Variants in DNAH7 observed in about 807,000 individuals in gnomAD.
DNAH7 encodes axonemal beta dynein heavy chain 7.
DNAH7 carries 397 observed loss-of-function variants against 444.6 expected under a neutral mutation model. The observed-to-expected ratio is 0.89, with a 90% CI of 0.82 to 0.97. The LOEUF (loss-of-function observed/expected upper bound fraction) is 0.97. DNAH7 is among the 50% of genes least tolerant of loss of function. The pLI is 0.00. For synonymous variants in DNAH7, 1,636 were observed against 1,624.4 expected (o/e 1.01, Z -0.17); for missense variants, 4,902 against 4,800.8 (o/e 1.02, Z -0.62).
chr2:195,921,147 T>C (rs1211098368), intron 24 of DNAH7, among the ~76,000 whole-genome samples: 1 of 152,130 alleles, frequency 6.6e-6, no homozygotes, highest in African/African-American at 2.4e-5. Flanking sequence ...TGGAAAACAA[T>C]GTGGAGATTC....
At chr2:195,787,406 T>C (rs1231111494) in intron 57 of DNAH7, among the ~76,000 whole-genome samples, 1 of 152,156 alleles carries the variant, frequency 6.6e-6, no homozygotes, top group Non-Finnish European at 1.5e-5. Flanking sequence ...CCCCAGGTTT[T>C]TAGGAAGCAT....
At chr2:195,861,009 G>C (rs1699985944) in intron 42 of DNAH7, among the ~76,000 whole-genome samples, 1 of 151,896 alleles carries the variant, frequency 6.6e-6, no homozygotes, top group African/African-American at 2.4e-5. Flanking sequence ...TGTTTGATTT[G>C]TTAAATCAGA....
intron 8 of DNAH7, among the ~76,000 whole-genome samples, chr2:196,021,888 A>C (rs950354431): frequency 6.6e-6 from 1 of 152,172 alleles, no homozygotes; most frequent in South Asian, 2.1e-4. Context: ...GCACTGTGGG[A>C]GGCTGAGGCA....
chr2:195,973,987 G>A (rs1056469141), intron 15 of DNAH7, among the ~76,000 whole-genome samples: 3 of 152,050 alleles, frequency 2.0e-5, no homozygotes, highest in African/African-American at 7.2e-5. Flanking sequence ...TGAGGCAGGC[G>A]AATTGCTTGA....
At chr2:195,982,915 G>C in intron 15 of DNAH7, among the ~76,000 whole-genome samples, 1 of 152,128 alleles carries the variant, frequency 6.6e-6, no homozygotes, top group East Asian at 1.9e-4. Flanking sequence ...TCTAGTATTT[G>C]ATAGCATAAC....
chr2:195,876,592 C>T lies in DNAH7; in HGVS notation c.6069G>A (p.Leu2023=), dbSNP rs370874605. The T allele has an allele frequency of 6.2e-7, 1 of 1,613,726 alleles. No homozygotes were observed. Among genetic ancestry groups the T allele is most frequent in the East Asian group, 2.2e-5 (1 of 44,858 alleles). Residue 2023 remains leucine (L), a synonymous_variant, in exon 37 of 65, where the codon TTG becomes TTA. Coordinates refer to ENST00000312428, the MANE Select transcript of DNAH7 (RefSeq NM_018897.3). ...AQTQNIVMSK[L]DKRRKGVFGP... ...CAAAAACTCCCTTTCTTCTCTTGTCCAATTTTGACATGACAATATTCTGAG... is the reference window on the plus strand; with the variant it reads ...CAAAAACTCCCTTTCTTCTCTTGTCTAATTTTGACATGACAATATTCTGAG...
chr2:196,017,322 T>G (rs1353078110), intron 9 of DNAH7, among the ~76,000 whole-genome samples: 2 of 152,190 alleles, frequency 1.3e-5, no homozygotes, highest in African/African-American at 4.8e-5. Context: ...CCCAAAGTGC[T>G]TCTTAATTTA....
intron 5 of DNAH7, among the ~76,000 whole-genome samples, chr2:196,046,686 C>T (rs1331197639): frequency 1.3e-5 from 2 of 152,134 alleles, no homozygotes; most frequent in South Asian, 2.1e-4. Context: ...TACCCACTGT[C>T]CTCCCTTCAA....
At chr2:195,781,796 C>A (rs942805321) in intron 58 of DNAH7, among the ~76,000 whole-genome samples, 2 of 151,666 alleles carry the variant, frequency 1.3e-5, no homozygotes, top group African/African-American at 4.8e-5. Flanking sequence ...AAAAAGTAAG[C>A]TGAAGATAAA....
At position 195,775,861 on chromosome 2, in the gene DNAH7, G is replaced by T; in HGVS notation, c.11187C>A (p.Asn3729Lys). The T allele has an allele frequency of 6.2e-7, 1 of 1,614,070 alleles. No homozygotes were observed. Among genetic ancestry groups the T allele is most frequent in the Non-Finnish European group, 8.5e-7 (1 of 1,179,988 alleles). The change falls in exon 60 of 65, where the codon AAC (asparagine) becomes AAA (lysine). Residue 3729 changes from asparagine (N) to lysine (K), a missense_variant. Coordinates refer to ENST00000312428, the MANE Select transcript of DNAH7 (RefSeq NM_018897.3). ...GATCACACACCTGTGTAAGAAGAATGTTATCAAATAGCAGCTGAGTTTCTG... is the reference window on the plus strand; with the variant it reads ...GATCACACACCTGTGTAAGAAGAATTTTATCAAATAGCAGCTGAGTTTCTG... ...DQSETQLLFDNILLTQSRSAG... is the reference protein window; with the variant it reads ...DQSETQLLFDKILLTQSRSAG...
Position 195,737,848 on chromosome 2 carries a change from T to G in DNAH7, c.*73A>C. On this transcript the variant is annotated 3_prime_UTR_variant, in exon 65 of 65. Coordinates refer to ENST00000312428, the MANE Select transcript of DNAH7 (RefSeq NM_018897.3). ...TATTTAAACAAACAAAAAAAAAGGT[T>G]TAAGTAGTAAAATATGCTTTCTCTA... The G allele has an allele frequency of 7.3e-7, 1 of 1,360,812 alleles. No homozygotes were observed. The highest frequency in any genetic ancestry group is 1.0e-6 in the Non-Finnish European group (1 of 990,830). The allele number at this position is 1,360,812 out of a possible 1,614,324, so 84.3% of individuals were successfully genotyped here.
At chr2:195,817,084 A>T in intron 50 of DNAH7, 121 bp from the exon 51 acceptor site, 1 of 713,970 alleles carries the variant, frequency 1.4e-6, no homozygotes, top group Non-Finnish European at 2.3e-6. Flanking sequence ...TTTGTGACAA[A>T]TATCTGTAAT....
rs1559202038 is a variant in DNAH7, at chr2:195,899,984, TTA to T, written c.4548+296_4548+297del. Among the ~76,000 whole-genome samples the T allele has an allele frequency of 2.6e-5, 4 of 152,294 alleles. No homozygotes were observed. The East Asian group carries it at 5.8e-4, about 22-fold the overall frequency. Reference sequence around the variant, plus strand: ...TTATTTCATTTAATGCTATATTTGTTTATATGTTTATATAGACTGAGAGCATT... The same window carrying T: ...TTATTTCATTTAATGCTATATTTGTTTATGTTTATATAGACTGAGAGCATT... On this transcript the variant is annotated intron_variant, in intron 28 of 64. Transcript: ENST00000312428.
chr2:196,032,202 T>G (rs956184889), intron 5 of DNAH7, among the ~76,000 whole-genome samples: 1 of 152,134 alleles, frequency 6.6e-6, no homozygotes, highest in African/African-American at 2.4e-5. Context: ...TGAGACTTAC[T>G]CATTACCATG....
chr2:195,958,762 G>A (rs1235797373), intron 18 of DNAH7, among the ~76,000 whole-genome samples: 1 of 152,100 alleles, frequency 6.6e-6, no homozygotes, highest in South Asian at 2.1e-4. Flanking sequence ...GTCTCTATGT[G>A]TTTAGTCCAT....
intron 48 of DNAH7, among the ~76,000 whole-genome samples, chr2:195,833,600 C>T (rs1166483340): frequency 4.6e-5 from 7 of 152,248 alleles, no homozygotes; most frequent in African/African-American, 1.4e-4. Context: ...CCCCAATTTA[C>T]TCAAATCACA....
At position 195,936,650 on chromosome 2, in the gene DNAH7, A is replaced by G. The variant is rs1226955148; in HGVS notation, c.3221T>C (p.Leu1074Ser). 14 of 1,596,328 alleles carry G rather than the reference A, an allele frequency of 8.8e-6. No individual in the cohort carries two copies. Among genetic ancestry groups the G allele is most frequent in the African/African-American group, 8.1e-5 (6 of 74,028 alleles). The change falls in exon 20 of 65, where the codon TTG becomes TCG. Residue 1074 changes from leucine to serine, a missense_variant. Coordinates refer to ENST00000312428, the MANE Select transcript of DNAH7 (RefSeq NM_018897.3). ...TATCTCAAGAAGTTCATCATTGGAC[A>G]AAAAAAAGAATCTGGGGAAAAAGAG... Reference protein sequence around the residue: ...KRLFFPRFFFLSNDELLEILS... With the variant: ...KRLFFPRFFFSSNDELLEILS...
chr2:195,891,199 G>A (rs1701993352), intron 31 of DNAH7, among the ~76,000 whole-genome samples: 1 of 152,192 alleles, frequency 6.6e-6, no homozygotes, highest in Non-Finnish European at 1.5e-5. Context: ...AAGGAAAAGT[G>A]TGGGAACTTT....
At chr2:195,754,264 G>A in intron 63 of DNAH7, 73 bp downstream of exon 63, 1 of 1,424,394 alleles carries the variant, frequency 7.0e-7, no homozygotes, top group Non-Finnish European at 9.5e-7. Context: ...AACAGCTGAG[G>A]AAAGTATGCT....
Sources: allele counts gnomAD v4.1 joint callset (sites outside exome capture counted in the v4.1 genomes callset), GRCh38; gene constraint gnomAD v4.1.1; transcripts MANE v1.5; gene names NCBI Gene and HGNC (gene_info 2026-07-23, HGNC 2026-07-21).